KLF13: variants seen among roughly 807,000 people sequenced by gnomAD.
KLF13 encodes the protein Krueppel-like factor 13.
In KLF13, 8 loss-of-function variants were observed where a neutral mutation model predicts 16.7. The ratio of observed to expected loss-of-function variants is 0.48; its 90% CI spans 0.28 to 0.87. KLF13 has a LOEUF of 0.87. Ranked by LOEUF, KLF13 falls within the 40% of genes least tolerant of loss-of-function variation. The pLI is 0.10. For synonymous variants in KLF13, 245 were observed against 208.4 expected, an observed-to-expected ratio of 1.18 and a Z score of -1.51; for missense variants, 447 against 452.2, an observed-to-expected ratio of 0.99 and a Z score of 0.10.
chr15:31,420,691 C>T (rs1386820379), intron 1 of KLF13: 14 of 312,068 alleles, frequency 4.5e-5, no homozygotes, highest in Non-Finnish European at 4.9e-5. Context: ...CTTTTTTTTT[C>T]TTTCTTTTTT....
Position 31,327,662 on chromosome 15 carries a change from G to A in KLF13, c.450G>A (p.Arg150=), listed in dbSNP as rs2038740254. ...GCGGCGAGCCCGGCCTCAGACAAAG[G>A]GTCCGGCGGGGCCGAAGTCGCGCCG... ...AGSGEPGLRQ[R]VRRGRSRADL... is the part of the protein sequence containing the mutation. The change falls in exon 1 of 2, where the codon AGG becomes AGA. Residue 150 remains arginine (R), a synonymous_variant. Coordinates refer to ENST00000307145, the MANE Select transcript of KLF13 (RefSeq NM_015995.4). 2 of 1,495,622 alleles carry A rather than the reference G, an allele frequency of 1.3e-6. No individual in the cohort carries two copies. The highest frequency in any genetic ancestry group is 1.2e-5 in the South Asian group (1 of 81,696). The allele number at this position is 1,495,622 out of a possible 1,614,324, so 92.6% of individuals were successfully genotyped here.
chr15:31,376,728 C>T lies in KLF13; in HGVS notation c.*4429C>T, dbSNP rs1025414589. ...GCCTCCTGCCTGCTGTCCTGTCCCT[C>T]AGCATCAGAAGAGTTGAATTCAGCA... On this transcript the variant is annotated 3_prime_UTR_variant, in exon 2 of 2. Coordinates refer to ENST00000307145, the MANE Select transcript of KLF13 (RefSeq NM_015995.4). 6.6e-6 allele frequency: 1 copy of T among 152,658 alleles called. No individual in the cohort carries two copies. The highest frequency in any genetic ancestry group is 1.5e-5 in the Non-Finnish European group (1 of 68,058). The allele number at this position is 152,658 out of a possible 1,614,324, so 9.5% of individuals were successfully genotyped here.
intron 1 of KLF13, among the ~76,000 whole-genome samples, chr15:31,423,127 A>ACG (rs2040354903): frequency 3.5e-5 from 4 of 112,724 alleles, no homozygotes; most frequent in Admixed American, 1.8e-4. Flanking sequence ...ATATACGTAT[A>ACG]TATACGTATA....
chr15:31,398,353 G>T (rs1051087841), intron 2 of KLF13, among the ~76,000 whole-genome samples: 5 of 152,172 alleles, frequency 3.3e-5, no homozygotes, highest in Non-Finnish European at 4.4e-5. Context: ...TTTAGAAGGC[G>T]TATGGGGGTG....
chr15:31,337,940 G>A (rs763538632), intron 1 of KLF13, among the ~76,000 whole-genome samples: 5 of 152,146 alleles, frequency 3.3e-5, no homozygotes, highest in Non-Finnish European at 7.4e-5. Flanking sequence ...TCCCCTTTGC[G>A]GCTGACAGAG....
At chr15:31,390,236 A>G (rs1173934723), upstream of KLF13, among the ~76,000 whole-genome samples, 2 of 152,124 alleles carry the variant, frequency 1.3e-5, no homozygotes, top group Admixed American at 1.3e-4. Flanking sequence ...CCTCTGGTGG[A>G]TCACTCAAGA....
chr15:31,402,732 T>G (rs935037460), intron 2 of KLF13, among the ~76,000 whole-genome samples: 4 of 152,206 alleles, frequency 2.6e-5, no homozygotes, highest in African/African-American at 7.2e-5. Flanking sequence ...AGACACTCAG[T>G]TCTGCGGCTC....
chr15:31,417,952 C>CT lies in KLF13; in HGVS notation n.118-17410dup, dbSNP rs953816824. On this transcript the variant is annotated intron_variant and non_coding_transcript_variant, in intron 1 of 1. Transcript: ENST00000558225. ...GTATTAAAAACCTAACAAACTTTAC[C>CT]TTTTTTTTAAATGACAAAGTGCACA... Among the ~76,000 whole-genome samples the CT allele has an allele frequency of 2.6e-4, 39 of 151,884 alleles. No individual in the cohort carries two copies. In the Middle Eastern group the frequency reaches 0.017, roughly 66 times the overall value.
At chr15:31,342,086 T>A (rs2039033708) in intron 1 of KLF13, among the ~76,000 whole-genome samples, 1 of 152,166 alleles carries the variant, frequency 6.6e-6, no homozygotes, top group Non-Finnish European at 1.5e-5. Context: ...CAGAAGTAGA[T>A]GAACTGAAAC....
At chr15:31,381,724 T>A (rs1436792777), downstream of KLF13, among the ~76,000 whole-genome samples, 1 of 152,234 alleles carries the variant, frequency 6.6e-6, no homozygotes. Flanking sequence ...GGACTGAGCA[T>A]CTCTTCCACC....
intron 1 of KLF13, among the ~76,000 whole-genome samples, chr15:31,421,579 A>G (rs2040324179): frequency 6.6e-6 from 1 of 152,196 alleles, no homozygotes; most frequent in Non-Finnish European, 1.5e-5. Flanking sequence ...ATAAATGGCT[A>G]TAATGATAAG....
intron 1 of KLF13, among the ~76,000 whole-genome samples, chr15:31,413,019 T>C (rs1402275444): frequency 6.6e-6 from 1 of 152,144 alleles, no homozygotes; most frequent in Non-Finnish European, 1.5e-5. Context: ...TTTGATCGGA[T>C]GTCTTTGCAG....
At chr15:31,358,732 C>T (rs1043552813) in intron 1 of KLF13, among the ~76,000 whole-genome samples, 2 of 152,220 alleles carry the variant, frequency 1.3e-5, no homozygotes, top group Non-Finnish European at 2.9e-5. Context: ...CCTCATATTC[C>T]TGTCTTGCCT....
At chr15:31,428,573 G>A (rs2040426859) in intron 1 of KLF13, among the ~76,000 whole-genome samples, 2 of 151,952 alleles carry the variant, frequency 1.3e-5, no homozygotes, top group South Asian at 2.1e-4. Context: ...TTGGGAGTCC[G>A]AGGCGGGCAG....
intron 1 of KLF13, among the ~76,000 whole-genome samples, chr15:31,413,957 A>G (rs2040226363): frequency 6.6e-6 from 1 of 152,206 alleles, no homozygotes; most frequent in Non-Finnish European, 1.5e-5. Flanking sequence ...ATATTTGCCA[A>G]TAACGTCACA....
chr15:31,404,971 A>C (rs1313515786), downstream of KLF13, among the ~76,000 whole-genome samples: 1 of 152,198 alleles, frequency 6.6e-6, no homozygotes, highest in African/African-American at 2.4e-5. Context: ...ACCCTGCCTC[A>C]AAGAGGCTAC....
At chr15:31,422,142 A>C (rs1201310555) in intron 1 of KLF13, among the ~76,000 whole-genome samples, 2 of 151,880 alleles carry the variant, frequency 1.3e-5, no homozygotes, top group Non-Finnish European at 2.9e-5. Context: ...CAAAAAAAAA[A>C]AAAAAAGAAA....
chr15:31,341,272 C>T (rs1195949681), intron 1 of KLF13, among the ~76,000 whole-genome samples: 1 of 152,128 alleles, frequency 6.6e-6, no homozygotes, highest in African/African-American at 2.4e-5. Flanking sequence ...TGGGTCTGGT[C>T]ATGCTGCCTC....
intron 2 of KLF13, among the ~76,000 whole-genome samples, chr15:31,397,433 C>T (rs370554901): frequency 6.6e-6 from 1 of 152,246 alleles, no homozygotes; most frequent in African/African-American, 2.4e-5. Flanking sequence ...TCCTCAGTGA[C>T]GCGCACTTGC....
Sources: allele counts gnomAD v4.1 joint callset (sites outside exome capture counted in the v4.1 genomes callset), GRCh38; gene constraint gnomAD v4.1.1; transcripts MANE v1.5; gene names NCBI Gene and HGNC (gene_info 2026-07-23, HGNC 2026-07-21).